The following BRCA1 variants were observed in gnomAD, a reference collection of about 807,000 sequenced individuals.
BRCA1 encodes breast cancer type 1 susceptibility protein.
BRCA1 carries 140 observed loss-of-function variants against 173.7 expected under a neutral mutation model. The ratio of observed to expected loss-of-function variants is 0.81; its 90% confidence interval spans 0.70 to 0.93. The LOEUF (loss-of-function observed/expected upper bound fraction) is 0.93, where lower values mean the gene tolerates loss of function less well. BRCA1 is among the 40% of genes least tolerant of loss of function. BRCA1 has a pLI of 0.00. For missense variants in BRCA1, 1,983 were observed against 2,172.5 expected (o/e 0.91, Z 1.73); for synonymous variants, 662 against 756.0 (o/e 0.88, Z 2.04).
At chr17:43,081,249 G>C (rs2052991759) in intron 12 of BRCA1, among the ~76,000 whole-genome samples, 1 of 152,194 alleles carries the variant, frequency 6.6e-6, no homozygotes, top group African/African-American at 2.4e-5. Flanking sequence ...CTCATTATCT[G>C]AGAGATGAAC....
At chr17:43,139,408 G>C (rs1481072152) in intron 1 of BRCA1, among the ~76,000 whole-genome samples, 1 of 151,236 alleles carries the variant, frequency 6.6e-6, no homozygotes, top group African/African-American at 2.4e-5. Context: ...CTGTTGCCCA[G>C]GCTAGAGGCA....
At chr17:43,062,711 C>T (rs1020205764) in intron 18 of BRCA1, among the ~76,000 whole-genome samples, 2 of 152,048 alleles carry the variant, frequency 1.3e-5, no homozygotes, top group African/African-American at 2.4e-5. Context: ...GATTCTCCTG[C>T]CTCAGCCTCC....
At chr17:43,086,109 TACACACACACACACACACAC>T (rs376686434) in intron 11 of BRCA1, among the ~76,000 whole-genome samples, 52 of 137,458 alleles carry the variant, frequency 3.8e-4, no homozygotes, top group African/African-American at 1.1e-3. Flanking sequence ...ATCACATACA[TACACACACACACACACACAC>T]ACACACACAC....
chr17:43,098,093 T>G (rs1424226153), intron 7 of BRCA1, among the ~76,000 whole-genome samples: 1 of 150,218 alleles, frequency 6.7e-6, no homozygotes. Flanking sequence ...GGCATGATCA[T>G]AGCTCACTAC....
At chr17:43,147,254 A>G (rs944918426) in intron 1 of BRCA1, among the ~76,000 whole-genome samples, 26 of 151,862 alleles carry the variant, frequency 1.7e-4, no homozygotes, top group African/African-American at 5.6e-4. Context: ...CAGTGGCACG[A>G]TCTCGGCTCA....
chr17:43,130,467 C>G (rs1195768656), upstream of BRCA1, among the ~76,000 whole-genome samples: 2 of 152,172 alleles, frequency 1.3e-5, no homozygotes, highest in Non-Finnish European at 2.9e-5. Context: ...GCCTGCGCCA[C>G]TACACCCAGC....
At chr17:43,125,135 C>A (rs771582409) in intron 1 of BRCA1, 136 bp downstream of exon 1, 2 of 452,242 alleles carry the variant, frequency 4.4e-6, no homozygotes, top group East Asian at 7.1e-5. Flanking sequence ...GGGTTCACAA[C>A]GCCTTACGCC....
chr17:43,113,324 A>G (rs1005990597), intron 3 of BRCA1, among the ~76,000 whole-genome samples: 3 of 151,868 alleles, frequency 2.0e-5, no homozygotes, highest in East Asian at 1.9e-4. Context: ...CACAACTCCT[A>G]TACACATATG....
At chr17:43,146,707 T>G (rs1302789275) in intron 1 of BRCA1, among the ~76,000 whole-genome samples, 1 of 151,586 alleles carries the variant, frequency 6.6e-6, no homozygotes, top group Non-Finnish European at 1.5e-5. Flanking sequence ...AAAAGAAAAA[T>G]AAGTAATTTT....
At chr17:43,106,110 C>A (rs1278895785) in intron 4 of BRCA1, among the ~76,000 whole-genome samples, 1 of 148,264 alleles carries the variant, frequency 6.7e-6, no homozygotes, top group Non-Finnish European at 1.5e-5. Context: ...CAGAGCAGGA[C>A]CCTGTCTTAA....
chr17:43,119,077 AT>A, intron 2 of BRCA1: 2 of 215,188 alleles, frequency 9.3e-6, no homozygotes. Context: ...TTTGAAACGG[AT>A]TTTTTGGATA....
chr17:43,153,784 C>A (rs573127534), intron 1 of BRCA1: 1 of 152,242 alleles, frequency 6.6e-6, no homozygotes, highest in Non-Finnish European at 1.5e-5. Context: ...GAACACTTTA[C>A]AGATGGTACT....
intron 7 of BRCA1, 47 bp from the exon 8 acceptor site, chr17:43,097,336 T>C (rs1306426708): frequency 7.0e-7 from 1 of 1,425,662 alleles, no homozygotes; most frequent in East Asian, 2.3e-5. Flanking sequence ...GTTTTCTTAA[T>C]TAAAAGGGTT....
chr17:43,140,925 T>G (rs1290757753), intron 1 of BRCA1, among the ~76,000 whole-genome samples: 1 of 152,228 alleles, frequency 6.6e-6, no homozygotes, highest in East Asian at 1.9e-4. Flanking sequence ...TTCATCATCC[T>G]TTAAAAAATG....
Position 43,094,245 on chromosome 17 carries a change from AT to A in BRCA1, c.1285del (p.Ile429Ter), listed in dbSNP as rs1567800172. ...ATGAGGATCACTGGCCAGTAAGTCTATTTTCTCTGAAGAACCAGAATATTCA... is the reference window on the plus strand; with the variant it reads ...ATGAGGATCACTGGCCAGTAAGTCTATTTCTCTGAAGAACCAGAATATTCA... Reference protein sequence around the residue: ...VDEYSGSSEKIDLLASDPHEA... With the variant: ...VDEYSGSSEKXDLLASDPHEA... On this transcript the variant is annotated frameshift_variant, in exon 10 of 23. Coordinates refer to ENST00000357654, the MANE Select transcript of BRCA1 (RefSeq NM_007294.4). LOFTEE classifies it high-confidence loss of function. The A allele has an allele frequency of 6.2e-7, 1 of 1,614,072 alleles. No homozygotes were observed. The highest frequency in any genetic ancestry group is 1.7e-5 in the Admixed American group (1 of 60,018).
chr17:43,160,003 T>C (rs1273782511), intron 1 of BRCA1: 1 of 152,010 alleles, frequency 6.6e-6, no homozygotes, highest in African/African-American at 2.4e-5. Context: ...GGAAGGTTCT[T>C]CCAAAGACCT....
At chr17:43,080,940 A>G (rs891367860) in intron 12 of BRCA1, among the ~76,000 whole-genome samples, 1 of 152,188 alleles carries the variant, frequency 6.6e-6, no homozygotes, top group African/African-American at 2.4e-5. Context: ...AGTTCATTTG[A>G]GTTTCAGTTA....
At position 43,169,183 on chromosome 17, in the gene BRCA1, C is replaced by CT. The variant is rs561870143; in HGVS notation, c.-20+942dup. Among the ~76,000 whole-genome samples the CT allele has an allele frequency of 2.5e-3, 387 of 152,166 alleles. 2 individuals carry two copies. Among genetic ancestry groups the CT allele is most frequent in the African/African-American group, 8.5e-3 (352 of 41,524 alleles). On this transcript the variant is annotated intron_variant, in intron 1 of 7. Coordinates refer to the BRCA1 transcript ENST00000634433. ...CATATATACCAGCCGGTGTTTATTT[C>CT]TTTGTTTGTTTTTGAGACGGAGTGT... is the stretch of plus-strand genomic sequence containing the variant.
intron 14 of BRCA1, among the ~76,000 whole-genome samples, chr17:43,072,784 G>A (rs1387035449): frequency 6.6e-6 from 1 of 151,692 alleles, no homozygotes; most frequent in Non-Finnish European, 1.5e-5. Context: ...GGTTGGTCCT[G>A]AACTCCTGCC....
Sources: gnomAD v4.1 joint callset for allele counts (sites outside exome capture counted in the v4.1 genomes callset) on GRCh38, gnomAD v4.1.1 for gene constraint, MANE v1.5 for transcripts, NCBI Gene and HGNC (gene_info 2026-07-23, HGNC 2026-07-21) for gene names.